P2RY14: variants seen among roughly 807,000 people sequenced by gnomAD.
The protein encoded by P2RY14 is P2Y purinoceptor 14.
In P2RY14, 2 loss-of-function variants were observed where a neutral mutation model predicts 0.9. That is an observed-to-expected ratio of 2.16 (90% CI 0.88 to 6.79). The LOEUF (loss-of-function observed/expected upper bound fraction) is 6.79. Ranked by LOEUF, P2RY14 falls within the 30% of genes most tolerant of loss-of-function variation. P2RY14 has a pLI of 0.05. For missense variants in P2RY14, 378 were observed against 400.1 expected (o/e 0.94, Z 0.47); for synonymous variants, 158 against 147.2 (o/e 1.07, Z -0.53).
rs376325564 is a variant in P2RY14 at position 151,218,815 on chromosome 3, C to T, written c.-25+720G>A. On this transcript the variant is annotated intron_variant, in intron 2 of 2. Coordinates refer to ENST00000309170, the MANE Select transcript of P2RY14 (RefSeq NM_014879.4). ...CTGGGAGGCGGAGGTTGCAGTGAGC[C>T]GAGATCCCACCATTGCACTCCAGCC... Among the ~76,000 whole-genome samples the T allele has an allele frequency of 1.2e-3, 161 of 135,158 alleles. 2 individuals carry two copies. The South Asian group carries it at 0.037, about 31-fold the overall frequency. 88.7% of individuals were successfully genotyped at this position (135,158 alleles called of 152,430 possible).
chr3:151,263,250 GTCA>G (rs1192839766), intron 1 of P2RY14, among the ~76,000 whole-genome samples: 1 of 152,160 alleles, frequency 6.6e-6, no homozygotes, highest in East Asian at 1.9e-4. Flanking sequence ...CCAGTCCTTT[GTCA>G]TCAGCACGTG....
intron 1 of P2RY14, among the ~76,000 whole-genome samples, chr3:151,235,719 A>C (rs555513636): frequency 9.3e-6 from 1 of 107,390 alleles, no homozygotes; most frequent in Non-Finnish European, 2.0e-5. Flanking sequence ...AAATAAATAA[A>C]TAAGTAAAAG....
intron 1 of P2RY14, among the ~76,000 whole-genome samples, chr3:151,274,825 G>GC (rs1396429903): frequency 6.6e-6 from 1 of 152,164 alleles, no homozygotes; most frequent in African/African-American, 2.4e-5. Flanking sequence ...GCCACCAGAG[G>GC]CCCAGAACCT....
intron 1 of P2RY14, among the ~76,000 whole-genome samples, chr3:151,225,474 C>T (rs899515694): frequency 3.3e-5 from 5 of 152,204 alleles, no homozygotes; most frequent in African/African-American, 9.6e-5. Context: ...GGGCCAACTT[C>T]TGCAGTAATA....
chr3:151,247,340 A>G (rs974193833), intron 1 of P2RY14, among the ~76,000 whole-genome samples: 1 of 152,134 alleles, frequency 6.6e-6, no homozygotes, highest in Non-Finnish European at 1.5e-5. Context: ...ATTATTCACA[A>G]TAGCAAAGAC....
intron 2 of P2RY14, among the ~76,000 whole-genome samples, chr3:151,218,096 G>A (rs1226001603): frequency 6.6e-6 from 1 of 152,052 alleles, no homozygotes; most frequent in Non-Finnish European, 1.5e-5. Context: ...CCTCATACAG[G>A]GACCTACAGA....
chr3:151,245,840 G>A (rs1735320741), intron 1 of P2RY14, among the ~76,000 whole-genome samples: 1 of 151,072 alleles, frequency 6.6e-6, no homozygotes, highest in Non-Finnish European at 1.5e-5. Context: ...GTCCCTGTTT[G>A]CAGACGACAT....
intron 1 of P2RY14, among the ~76,000 whole-genome samples, chr3:151,223,114 A>G (rs969886799): frequency 6.7e-6 from 1 of 150,298 alleles, no homozygotes; most frequent in Non-Finnish European, 1.5e-5. Flanking sequence ...AGTATGGAAC[A>G]TGTGCTGGTT....
At chr3:151,258,030 A>G (rs1208779245) in intron 1 of P2RY14, among the ~76,000 whole-genome samples, 1 of 152,154 alleles carries the variant, frequency 6.6e-6, no homozygotes, top group Non-Finnish European at 1.5e-5. Flanking sequence ...AGCTGTATTT[A>G]TTTTTGATAT....
At chr3:151,221,605 C>T (rs552533083) in intron 1 of P2RY14, among the ~76,000 whole-genome samples, 67 of 152,306 alleles carry the variant, frequency 4.4e-4, no homozygotes, top group African/African-American at 1.5e-3. Flanking sequence ...TCAGAGGGTG[C>T]AAGCCTCAAG....
chr3:151,264,557 A>G (rs1739481985), intron 1 of P2RY14, among the ~76,000 whole-genome samples: 1 of 152,194 alleles, frequency 6.6e-6, no homozygotes, highest in Admixed American at 6.5e-5. Flanking sequence ...TTTCTCATTT[A>G]TAGTTGATGG....
At chr3:151,232,990 C>T (rs1019919340) in intron 1 of P2RY14, among the ~76,000 whole-genome samples, 1 of 152,118 alleles carries the variant, frequency 6.6e-6, no homozygotes, top group Non-Finnish European at 1.5e-5. Flanking sequence ...TTCAAATATT[C>T]TTCTAACAGC....
At chr3:151,238,822 C>T (rs924086771) in intron 1 of P2RY14, among the ~76,000 whole-genome samples, 2 of 152,066 alleles carry the variant, frequency 1.3e-5, no homozygotes, top group Non-Finnish European at 2.9e-5. Context: ...AGTACATTTG[C>T]TACTTATGAT....
At chr3:151,276,622 G>T (rs778474330) in intron 1 of P2RY14, among the ~76,000 whole-genome samples, 42 of 152,188 alleles carry the variant, frequency 2.8e-4, no homozygotes, top group Non-Finnish European at 4.9e-4. Context: ...AGAGCCTTAG[G>T]CTTAGGGAAG....
intron 1 of P2RY14, among the ~76,000 whole-genome samples, chr3:151,276,975 C>T (rs1028318370): frequency 6.6e-6 from 1 of 152,212 alleles, no homozygotes; most frequent in Non-Finnish European, 1.5e-5. Context: ...CAGCTCACCA[C>T]AACCTCTGGC....
chr3:151,258,830 C>T (rs907877400), intron 1 of P2RY14, among the ~76,000 whole-genome samples: 13 of 129,980 alleles, frequency 1.0e-4, no homozygotes, highest in Admixed American at 5.4e-4. Flanking sequence ...CCAGCCTGGG[C>T]GACAGAGCAA....
At chr3:151,221,704 T>C (rs1475492359) in intron 1 of P2RY14, among the ~76,000 whole-genome samples, 1 of 152,118 alleles carries the variant, frequency 6.6e-6, no homozygotes, top group South Asian at 2.1e-4. Context: ...TTTCAGAATA[T>C]GTGTGGAAAT....
intron 1 of P2RY14, among the ~76,000 whole-genome samples, chr3:151,240,097 C>T (rs574692108): frequency 1.3e-5 from 2 of 151,834 alleles, no homozygotes; most frequent in African/African-American, 4.8e-5. Flanking sequence ...AGCCCCTGAC[C>T]TGTAATTCCA....
At chr3:151,227,362 A>G (rs1458017253) in intron 1 of P2RY14, among the ~76,000 whole-genome samples, 1 of 152,252 alleles carries the variant, frequency 6.6e-6, no homozygotes, top group African/African-American at 2.4e-5. Context: ...AAGATAAAAG[A>G]AATCTGAATT....
Sources: allele counts gnomAD v4.1 joint callset (sites outside exome capture counted in the v4.1 genomes callset), GRCh38; gene constraint gnomAD v4.1.1; transcripts MANE v1.5; gene names NCBI Gene and HGNC (gene_info 2026-07-23, HGNC 2026-07-21).